ARHGAP26: variants seen among roughly 807,000 people sequenced by gnomAD.
The protein encoded by ARHGAP26 is Rho GTPase activating protein 26, also known as rho GTPase-activating protein 26.
Under a neutral mutation model 104.8 loss-of-function variants are expected in ARHGAP26, and 38 were observed. That is an observed-to-expected ratio of 0.36 (90% CI 0.28 to 0.48). The LOEUF (loss-of-function observed/expected upper bound fraction) is 0.48, where lower values mean the gene tolerates loss of function less well. ARHGAP26 is among the 20% of genes least tolerant of loss of function. The probability of loss-of-function intolerance (pLI) is 0.99; values close to 1 mark genes in which losing one functional copy is unlikely to be tolerated. For synonymous variants in ARHGAP26, 341 were observed against 340.0 expected, an observed-to-expected ratio of 1.00 and a Z score of -0.03; for missense variants, 704 against 947.9, an observed-to-expected ratio of 0.74 and a Z score of 3.38.
chr5:143,043,105 A>G (rs904252842), intron 14 of ARHGAP26, among the ~76,000 whole-genome samples: 6 of 152,180 alleles, frequency 3.9e-5, no homozygotes, highest in Non-Finnish European at 8.8e-5. Flanking sequence ...TAATATCACA[A>G]CCAAAATATT....
chr5:142,777,088 C>CT (rs1342538420), intron 1 of ARHGAP26, among the ~76,000 whole-genome samples: 1 of 152,082 alleles, frequency 6.6e-6, no homozygotes, highest in Non-Finnish European at 1.5e-5. Flanking sequence ...CTATTCAGAT[C>CT]TTTTTTTTCC....
intron 1 of ARHGAP26, among the ~76,000 whole-genome samples, chr5:142,788,042 G>A (rs1759022812): frequency 6.8e-6 from 1 of 147,938 alleles, no homozygotes; most frequent in Non-Finnish European, 1.5e-5. Flanking sequence ...TGCCCAGGCT[G>A]GAGTACAGTG....
intron 20 of ARHGAP26, among the ~76,000 whole-genome samples, chr5:143,177,964 C>T (rs1322749300): frequency 7.2e-6 from 1 of 139,630 alleles, no homozygotes; most frequent in Non-Finnish European, 1.5e-5. Context: ...CATAAGTGGC[C>T]TGTTCAAGTC....
intron 17 of ARHGAP26, among the ~76,000 whole-genome samples, chr5:143,106,584 TG>T (rs1295475180): frequency 6.9e-6 from 1 of 144,286 alleles, no homozygotes; most frequent in African/African-American, 2.5e-5. Context: ...GCGATTCTCC[TG>T]CCTCAGCCTC....
At chr5:143,037,070 T>C in intron 12 of ARHGAP26, 126 bp from the exon 13 acceptor site, 2 of 526,982 alleles carry the variant, frequency 3.8e-6, no homozygotes, top group Non-Finnish European at 6.8e-6. Flanking sequence ...CCTGTACTGT[T>C]ATTGGGAAAA....
At chr5:142,914,202 G>C (rs17099698) in intron 10 of ARHGAP26, among the ~76,000 whole-genome samples, 5,806 of 152,310 alleles carry the variant, frequency 0.038, 118 homozygotes, top group Middle Eastern at 0.058. Flanking sequence ...GGGTTGCACT[G>C]CCTTCTTCTG....
chr5:142,921,886 A>G (rs559511765), intron 10 of ARHGAP26: 1 of 152,166 alleles, frequency 6.6e-6, no homozygotes, highest in East Asian at 1.9e-4. Flanking sequence ...ATACCCTAAA[A>G]CCTGGGGCTT....
At chr5:143,107,074 G>A (rs1794127878) in intron 17 of ARHGAP26, among the ~76,000 whole-genome samples, 1 of 152,232 alleles carries the variant, frequency 6.6e-6, no homozygotes, top group African/African-American at 2.4e-5. Context: ...CCGTCGGAAT[G>A]AAAGCAGGGA....
chr5:142,810,456 C>A (rs392543), intron 1 of ARHGAP26, among the ~76,000 whole-genome samples: 24,852 of 152,072 alleles, frequency 0.16, 2,601 homozygotes, highest in East Asian at 0.41. Flanking sequence ...AATGAACATG[C>A]CTTTTTGTGT....
At chr5:143,215,174 C>A (rs768981083) in intron 22 of ARHGAP26, among the ~76,000 whole-genome samples, 32 of 152,376 alleles carry the variant, frequency 2.1e-4, no homozygotes, top group Non-Finnish European at 3.8e-4. Flanking sequence ...CTTCTGCCCC[C>A]CTGCTTTGTC....
At chr5:143,009,630 G>A (rs1259790569) in intron 11 of ARHGAP26, among the ~76,000 whole-genome samples, 2 of 152,146 alleles carry the variant, frequency 1.3e-5, no homozygotes, top group African/African-American at 4.8e-5. Flanking sequence ...ATGATTCTTA[G>A]ATGGACCGTG....
At chr5:142,963,172 G>GTGTATATA (rs1491583193) in intron 11 of ARHGAP26, among the ~76,000 whole-genome samples, 1 of 89,080 alleles carries the variant, frequency 1.1e-5, no homozygotes, top group Non-Finnish European at 2.1e-5. Flanking sequence ...TGGTATATAT[G>GTGTATATA]TATATATATA....
chr5:143,105,026 T>C (rs1054321417), intron 17 of ARHGAP26, among the ~76,000 whole-genome samples: 2 of 152,132 alleles, frequency 1.3e-5, no homozygotes, highest in African/African-American at 4.8e-5. Context: ...ACATGTATCT[T>C]TTTTTCCCCC....
chr5:143,025,467 G>C (rs1366001847), intron 12 of ARHGAP26, among the ~76,000 whole-genome samples: 1 of 152,200 alleles, frequency 6.6e-6, no homozygotes, highest in African/African-American at 2.4e-5. Flanking sequence ...TCCACCCTCA[G>C]AAAGCTGATG....
chr5:143,013,968 C>G lies in ARHGAP26; in HGVS notation c.1108-112C>G, dbSNP rs143758866. 421 of 1,021,386 alleles carry G rather than the reference C, an allele frequency of 4.1e-4. 2 individuals are homozygous for G. In the African/African-American group the frequency reaches 6.1e-3, roughly 15 times the overall value. 63.3% of individuals were successfully genotyped at this position (1,021,386 alleles called of 1,614,324 possible). On this transcript the variant is annotated intron_variant, in intron 11 of 22. Coordinates refer to ENST00000645722, the MANE Select transcript of ARHGAP26 (RefSeq NM_001135608.3). ...TTCATGTTTGGGAGCCAGAAATTACCTTCCACTTCATGGTGCAAACTAGGG... is the reference window on the plus strand; with the variant it reads ...TTCATGTTTGGGAGCCAGAAATTACGTTCCACTTCATGGTGCAAACTAGGG...
At chr5:143,186,997 A>G (rs1805246517) in intron 20 of ARHGAP26, among the ~76,000 whole-genome samples, 2 of 152,240 alleles carry the variant, frequency 1.3e-5, no homozygotes, top group Admixed American at 6.5e-5. Context: ...GCATTTTTTC[A>G]GGACAAGCCA....
At chr5:142,994,869 A>G (rs1021892338) in intron 11 of ARHGAP26, among the ~76,000 whole-genome samples, 4 of 152,208 alleles carry the variant, frequency 2.6e-5, no homozygotes, top group Non-Finnish European at 5.9e-5. Context: ...GAAATGTCAC[A>G]ATGAGAAAAT....
chr5:142,967,050 T>C (rs1041138208), intron 11 of ARHGAP26, among the ~76,000 whole-genome samples: 48 of 152,160 alleles, frequency 3.2e-4, no homozygotes, highest in African/African-American at 1.2e-3. Context: ...ACACGCACAC[T>C]CACACATACG....
At chr5:142,960,085 G>A (rs891517061) in intron 11 of ARHGAP26, among the ~76,000 whole-genome samples, 34 of 152,256 alleles carry the variant, frequency 2.2e-4, no homozygotes, top group African/African-American at 7.5e-4. Flanking sequence ...CATGGCCATA[G>A]CTGAAGCTGT....
Sources: gnomAD v4.1 joint callset for allele counts (sites outside exome capture counted in the v4.1 genomes callset) on GRCh38, gnomAD v4.1.1 for gene constraint, MANE v1.5 for transcripts, NCBI Gene and HGNC (gene_info 2026-07-23, HGNC 2026-07-21) for gene names.